Variants in HDAC5 observed in about 807,000 individuals in gnomAD.
HDAC5 encodes the protein antigen NY-CO-9.
Under a neutral mutation model 133.3 loss-of-function variants are expected in HDAC5, and 25 were observed. The ratio of observed to expected loss-of-function variants is 0.19; its 90% confidence interval spans 0.14 to 0.26. The LOEUF (loss-of-function observed/expected upper bound fraction) is 0.26. Among genes scored for constraint, HDAC5 ranks in the 10% least tolerant of loss-of-function variants. The probability of loss-of-function intolerance (pLI) is 1.00; values close to 1 mark genes in which losing one functional copy is unlikely to be tolerated. For synonymous variants in HDAC5, 589 were observed against 610.8 expected (o/e 0.96, Z 0.53); for missense variants, 1,041 against 1,460.5 (o/e 0.71, Z 4.68).
Position 44,078,279 on chromosome 17 carries a change from A to G in HDAC5, c.*97T>C. 7.5e-7 allele frequency: 1 copy of G among 1,326,640 alleles called. No individual in the cohort carries two copies. The highest frequency in any genetic ancestry group is 1.0e-6 in the Non-Finnish European group (1 of 991,854). The allele number at this position is 1,326,640 out of a possible 1,614,324, so 82.2% of individuals were successfully genotyped here. A position where few individuals can be genotyped will look rare whatever the true frequency, so the allele number is the denominator to read the frequency against. On this transcript the variant is annotated 3_prime_UTR_variant, in exon 27 of 27. Transcript: ENST00000682912. ...CAGGAGGGGCAAGGCTGAGAGACCC[A>G]CACGGCACACCTTGTTGAATGTGTG...
In HDAC5 at chr17:44,087,582, G is replaced by C; in HGVS notation, c.1714C>G (p.Pro572Ala). 1 of 1,614,046 alleles carries C rather than the reference G, an allele frequency of 6.2e-7. No homozygotes were observed. Among genetic ancestry groups the C allele is most frequent in the East Asian group, 2.2e-5 (1 of 44,872 alleles). ...TCACTCTCTGTGGAGCCCTCCCGGG[G>C]CATGGTCAGGGCTCCCTCCCCCAGC... ...VLLGEGALTM[P>A]REGSTESEST... The change falls in exon 13 of 27, where the codon CCC becomes GCC. Residue 572 changes from proline to alanine, a missense_variant. Transcript: ENST00000682912.
chr17:44,080,068 A>T, intron 23 of HDAC5, 39 bp downstream of exon 23: 1 of 1,401,000 alleles, frequency 7.1e-7, no homozygotes, highest in Non-Finnish European at 1.0e-6. Flanking sequence ...CGATATCCTC[A>T]CTGTTTCACT....
Position 44,092,384 on chromosome 17 carries a change from C to A in HDAC5, c.916G>T (p.Gly306Trp). 6.2e-7 allele frequency: 1 copy of A among 1,612,470 alleles called. No individual in the cohort carries two copies. The highest frequency in any genetic ancestry group is 2.2e-5 in the East Asian group (1 of 44,810). ...GGTACATGAGAGCAGCCCTTACCCC[C>A]AGGCCCGGCACCTGTGATCTCAACA... The part of the protein sequence containing the change: ...RAVEITGAGP[G>W]ASSVCNSAPG... The change falls in exon 8 of 27, where the codon GGG becomes TGG. Residue 306 changes from glycine to tryptophan, a missense_variant. Transcript: ENST00000682912.
rs773512161 is a variant in HDAC5, at chr17:44,091,299, T to C, written c.1358A>G (p.Gln453Arg). The change falls in exon 11 of 27, where the codon CAG (glutamine) becomes CGG (arginine). Residue 453 changes from glutamine to arginine, a missense_variant. Gln to Arg is a conservative substitution (Grantham distance 43). Transcript: ENST00000682912. ...AATGAGGGTGCTCTGCTGCCGGGCC[T>C]GCTCCAGCAACAGCACATGCTGCAG... ...SLLQHVLLLE[Q>R]ARQQSTLIAV... 1.6e-5 allele frequency: 26 copies of C among 1,611,946 alleles called. No individual in the cohort carries two copies. Among genetic ancestry groups the C allele is most frequent in the African/African-American group, 2.7e-5 (2 of 74,936 alleles).
At chr17:44,091,549 A>T in intron 10 of HDAC5, 57 bp from the exon 11 acceptor site, 2 of 1,498,876 alleles carry the variant, frequency 1.3e-6, no homozygotes, top group Non-Finnish European at 1.8e-6. Flanking sequence ...TTGGACTAGC[A>T]TCCCCATCTA....
intron 3 of HDAC5, among the ~76,000 whole-genome samples, chr17:44,107,745 A>T (rs2052059757): frequency 6.6e-6 from 1 of 152,084 alleles, no homozygotes; most frequent in African/African-American, 2.4e-5. Flanking sequence ...ACACAGCCAA[A>T]CCCAGAAAGA....
Position 44,086,606 on chromosome 17 carries a change from G to A in HDAC5, c.2016C>T (p.Pro672=), listed in dbSNP as rs553194475. The change falls in exon 14 of 27, where the codon CCC becomes CCT. Residue 672 remains proline, a synonymous_variant. Coordinates refer to ENST00000682912, the MANE Select transcript of HDAC5 (RefSeq NM_005474.5). The part of the protein sequence containing the change: ...SPAAPGGMKS[P]PDQPVKHLFT... ...AGAGGTGCTTGACGGGCTGGTCTGG[G>A]GGGCTCTTCATGCCCCCAGGGGCAG... The A allele has an allele frequency of 1.2e-4, 162 of 1,304,654 alleles. 1 individual carries two copies. In the South Asian group the frequency reaches 4.3e-3, roughly 35 times the overall value. 80.8% of individuals were successfully genotyped at this position (1,304,654 alleles called of 1,614,324 possible).
intron 16 of HDAC5, 123 bp from the exon 17 acceptor site, chr17:44,083,977 A>T (rs1463457139): frequency 1.3e-6 from 1 of 765,872 alleles, no homozygotes; most frequent in Non-Finnish European, 2.3e-6. Context: ...TACAAAACTT[A>T]GCTGGGCGTG....
chr17:44,085,961 C>CAAA (rs1330466900), intron 14 of HDAC5, among the ~76,000 whole-genome samples: 1 of 152,124 alleles, frequency 6.6e-6, no homozygotes, highest in East Asian at 1.9e-4. Context: ...CAGCCTTTGC[C>CAAA]CCCTCTTGAC....
chr17:44,088,357 G>A (rs755731711), intron 12 of HDAC5, 30 bp downstream of exon 12: 10 of 1,543,006 alleles, frequency 6.5e-6, no homozygotes, highest in Non-Finnish European at 7.9e-6. Flanking sequence ...CCCCACCACA[G>A]CCCCAGGCCA....
chr17:44,103,173 A>T (rs1191958611), intron 3 of HDAC5, among the ~76,000 whole-genome samples: 2 of 152,042 alleles, frequency 1.3e-5, no homozygotes, highest in African/African-American at 4.8e-5. Context: ...GCGGAGAACA[A>T]CATTTCACAC....
intron 3 of HDAC5, among the ~76,000 whole-genome samples, chr17:44,098,601 G>A (rs1428670337): frequency 6.6e-6 from 1 of 151,560 alleles, no homozygotes; most frequent in Admixed American, 6.6e-5. Context: ...TTAGTTGGGT[G>A]CGGTAGCGGG....
At chr17:44,101,975 G>A (rs1205682335) in intron 3 of HDAC5, among the ~76,000 whole-genome samples, 1 of 152,210 alleles carries the variant, frequency 6.6e-6, no homozygotes, top group Admixed American at 6.5e-5. Flanking sequence ...TCCCCTCAGG[G>A]AGGAAGATCA....
intron 13 of HDAC5, 89 bp downstream of exon 13, chr17:44,087,323 T>C: frequency 1.5e-6 from 1 of 685,000 alleles, no homozygotes. Context: ...AAACTGCAGA[T>C]GGGGGAGAGG....
chr17:44,088,734 G>C, intron 11 of HDAC5, 136 bp from the exon 12 acceptor site: 1 of 1,284,474 alleles, frequency 7.8e-7, no homozygotes, highest in South Asian at 1.5e-5. Context: ...TGGGGGACCT[G>C]AAGCACCCCC....
chr17:44,118,860 C>G (rs1293513117), intron 1 of HDAC5, among the ~76,000 whole-genome samples: 12 of 152,238 alleles, frequency 7.9e-5, no homozygotes, highest in Admixed American at 7.9e-4. Flanking sequence ...AGCCCCACCT[C>G]CTGGCAGGAT....
intron 3 of HDAC5, among the ~76,000 whole-genome samples, chr17:44,099,841 C>T (rs1008694281): frequency 1.3e-5 from 2 of 152,206 alleles, no homozygotes; most frequent in African/African-American, 4.8e-5. Context: ...AGGAGCTGCC[C>T]TGCCCAGCTC....
intron 14 of HDAC5, chr17:44,085,408 A>G (rs1294695014): frequency 3.1e-6 from 1 of 319,682 alleles, no homozygotes; most frequent in African/African-American, 2.2e-5. Context: ...ATCATGGCTC[A>G]CTGCAGCCTC....
intron 2 of HDAC5, 150 bp from the exon 3 acceptor site, chr17:44,110,950 G>C: frequency 3.1e-6 from 2 of 655,612 alleles, no homozygotes; most frequent in Non-Finnish European, 5.5e-6. Flanking sequence ...GCACAGCACA[G>C]GTTCCCTCAG....
Sources: gnomAD v4.1 joint callset for allele counts (sites outside exome capture counted in the v4.1 genomes callset) on GRCh38, gnomAD v4.1.1 for gene constraint, MANE v1.5 for transcripts, NCBI Gene and HGNC (gene_info 2026-07-23, HGNC 2026-07-21) for gene names.